GPC6: variants seen among roughly 807,000 people sequenced by gnomAD.
GPC6 encodes glypican-6.
A neutral mutation model predicts 55.2 loss-of-function variants in GPC6; 14 were observed. The observed-to-expected ratio is 0.25, with a 90% CI of 0.17 to 0.40. The LOEUF (loss-of-function observed/expected upper bound fraction) is 0.40, where lower values mean the gene tolerates loss of function less well. Among genes scored for constraint, GPC6 ranks in the 10% least tolerant of loss-of-function variants. The pLI, the probability that GPC6 is intolerant of heterozygous loss-of-function variation, is 1.00. For synonymous variants in GPC6, 278 were observed against 259.6 expected (o/e 1.07, Z -0.68); for missense variants, 641 against 708.5 (o/e 0.90, Z 1.08).
At chr13:93,404,067 G>T (rs568443702) in intron 1 of GPC6, among the ~76,000 whole-genome samples, 15 of 152,164 alleles carry the variant, frequency 9.9e-5, no homozygotes, top group African/African-American at 3.4e-4. Context: ...AGACAAAATT[G>T]TTTCCTGTTA....
At chr13:93,306,447 T>A (rs1878859538) in intron 1 of GPC6, among the ~76,000 whole-genome samples, 1 of 152,140 alleles carries the variant, frequency 6.6e-6, no homozygotes, top group Non-Finnish European at 1.5e-5. Context: ...AAAGCCCTTT[T>A]ATTTGACTGA....
At chr13:94,232,006 T>C (rs1258946673) in intron 4 of GPC6, among the ~76,000 whole-genome samples, 2 of 152,162 alleles carry the variant, frequency 1.3e-5, no homozygotes, top group South Asian at 2.1e-4. Context: ...GAGCCGACCA[T>C]GTTGAGAGAG....
chr13:94,207,733 C>T (rs1889948158), intron 4 of GPC6, among the ~76,000 whole-genome samples: 1 of 152,136 alleles, frequency 6.6e-6, no homozygotes, highest in African/African-American at 2.4e-5. Context: ...GAGCACAGGG[C>T]TGGGAATCTG....
chr13:93,344,930 T>A (rs185957163), intron 1 of GPC6, among the ~76,000 whole-genome samples: 373 of 152,374 alleles, frequency 2.4e-3, no homozygotes, highest in Non-Finnish European at 4.5e-3. Context: ...AGAGGCAATA[T>A]GCCTCAGTGG....
chr13:93,253,079 A>G (rs1033202485), intron 1 of GPC6, among the ~76,000 whole-genome samples: 4 of 152,224 alleles, frequency 2.6e-5, no homozygotes, highest in Non-Finnish European at 5.9e-5. Context: ...GTATATGTCT[A>G]TCAAAATGTT....
chr13:94,309,657 T>A (rs1876135233), intron 6 of GPC6, among the ~76,000 whole-genome samples: 1 of 151,572 alleles, frequency 6.6e-6, no homozygotes. Context: ...GTTTGTGTTA[T>A]CCAAGAATGA....
At chr13:93,363,227 G>T (rs865921178) in intron 1 of GPC6, among the ~76,000 whole-genome samples, 24 of 150,238 alleles carry the variant, frequency 1.6e-4, no homozygotes, top group African/African-American at 5.9e-4. Flanking sequence ...CTGGTGTGCT[G>T]CACCCACTAA....
chr13:93,592,039 A>G (rs1473844691), intron 2 of GPC6, among the ~76,000 whole-genome samples: 10 of 152,106 alleles, frequency 6.6e-5, no homozygotes, highest in Non-Finnish European at 1.0e-4. Context: ...GATTTTACAT[A>G]TATGTGTTTC....
chr13:94,201,804 C>T (rs1415271346), intron 4 of GPC6, among the ~76,000 whole-genome samples: 1 of 152,012 alleles, frequency 6.6e-6, no homozygotes, highest in African/African-American at 2.4e-5. Flanking sequence ...CAAAAATTAG[C>T]TGGGCGTGGT....
intron 1 of GPC6, among the ~76,000 whole-genome samples, chr13:93,406,469 A>C (rs1876294332): frequency 6.6e-6 from 1 of 152,172 alleles, no homozygotes; most frequent in African/African-American, 2.4e-5. Context: ...ACTTCTAGTC[A>C]GTTCATTAAC....
At chr13:93,263,505 C>T (rs961594703) in intron 1 of GPC6, among the ~76,000 whole-genome samples, 2 of 152,098 alleles carry the variant, frequency 1.3e-5, no homozygotes. Flanking sequence ...GCTGGGATTA[C>T]AGGCGTGTGC....
At chr13:93,530,004 C>A (rs1881802828) in intron 1 of GPC6, among the ~76,000 whole-genome samples, 1 of 152,168 alleles carries the variant, frequency 6.6e-6, no homozygotes, top group African/African-American at 2.4e-5. Flanking sequence ...TATTGCAGAA[C>A]CTCTGTGGTG....
intron 4 of GPC6, among the ~76,000 whole-genome samples, chr13:94,128,674 T>A (rs1251912179): frequency 3.9e-5 from 6 of 152,102 alleles, no homozygotes; most frequent in Non-Finnish European, 8.8e-5. Context: ...TGGCCCTATC[T>A]AACCACAAGA....
At chr13:93,677,688 G>A (rs1348663516) in intron 2 of GPC6, among the ~76,000 whole-genome samples, 1 of 152,102 alleles carries the variant, frequency 6.6e-6, no homozygotes, top group Non-Finnish European at 1.5e-5. Flanking sequence ...TAAACTGTCT[G>A]TCATTAATTA....
chr13:93,887,735 A>T (rs1244808624), intron 3 of GPC6, among the ~76,000 whole-genome samples: 1 of 152,150 alleles, frequency 6.6e-6, no homozygotes, highest in African/African-American at 2.4e-5. Context: ...TTTATGAAGG[A>T]TGAGGTCAGA....
chr13:93,920,921 A>G (rs1179821009), intron 3 of GPC6, among the ~76,000 whole-genome samples: 2 of 152,162 alleles, frequency 1.3e-5, no homozygotes, highest in African/African-American at 4.8e-5. Flanking sequence ...CATGTTCTAT[A>G]GCCAACTATA....
intron 3 of GPC6, among the ~76,000 whole-genome samples, chr13:93,882,457 T>A (rs933917723): frequency 1.3e-5 from 2 of 152,068 alleles, no homozygotes; most frequent in African/African-American, 4.8e-5. Context: ...TTTTCCAAAG[T>A]TTAAGTCACC....
intron 2 of GPC6, among the ~76,000 whole-genome samples, chr13:93,619,267 C>T (rs1212261600): frequency 6.6e-6 from 1 of 152,082 alleles, no homozygotes; most frequent in Admixed American, 6.6e-5. Context: ...AAGGATTTTC[C>T]TAAATGCACC....
intron 3 of GPC6, among the ~76,000 whole-genome samples, chr13:93,912,612 G>GT (rs1877059201): frequency 6.6e-6 from 1 of 152,072 alleles, no homozygotes; most frequent in South Asian, 2.1e-4. Flanking sequence ...GTGTGGTGGC[G>GT]GGCGCCTGTA....
Sources: gnomAD v4.1 joint callset for allele counts (sites outside exome capture counted in the v4.1 genomes callset) on GRCh38, gnomAD v4.1.1 for gene constraint, MANE v1.5 for transcripts, NCBI Gene and HGNC (gene_info 2026-07-23, HGNC 2026-07-21) for gene names.